The following BRINP2 variants were observed in gnomAD, a reference collection of about 807,000 sequenced individuals.
The protein encoded by BRINP2 is BMP/retinoic acid-inducible neural-specific protein 2.
A neutral mutation model predicts 69.2 loss-of-function variants in BRINP2; 21 were observed. The observed-to-expected ratio is 0.30, with a 90% CI of 0.22 to 0.44. BRINP2 has a LOEUF of 0.44. BRINP2 is among the 20% of genes least tolerant of loss of function. The pLI, the probability that BRINP2 is intolerant of heterozygous loss-of-function variation, is 1.00. For missense variants in BRINP2, 877 were observed against 986.0 expected, an observed-to-expected ratio of 0.89 and a Z score of 1.48; for synonymous variants, 380 against 394.1, an observed-to-expected ratio of 0.96 and a Z score of 0.42.
intron 1 of BRINP2, among the ~76,000 whole-genome samples, chr1:177,172,335 A>G (rs1185303777): frequency 2.6e-5 from 4 of 152,222 alleles, no homozygotes; most frequent in African/African-American, 4.8e-5. Flanking sequence ...CACTGGAGAC[A>G]CTAGGGAAGA....
chr1:177,198,571 G>T (rs527770747), intron 1 of BRINP2, among the ~76,000 whole-genome samples: 1 of 152,270 alleles, frequency 6.6e-6, no homozygotes, highest in Admixed American at 6.5e-5. Context: ...AATATGGCAG[G>T]CTGGGGTCCA....
intron 3 of BRINP2, chr1:177,256,572 T>C: frequency 1.0e-6 from 1 of 985,410 alleles, no homozygotes; most frequent in Non-Finnish European, 1.2e-6. Flanking sequence ...AATCATCCTC[T>C]TGTGGGGCGG....
At chr1:177,243,113 C>T (rs1255655150) in intron 2 of BRINP2, among the ~76,000 whole-genome samples, 2 of 150,658 alleles carry the variant, frequency 1.3e-5, no homozygotes, top group Non-Finnish European at 2.9e-5. Flanking sequence ...GAGGGGTCGC[C>T]CATTAGTAAA....
intron 1 of BRINP2, among the ~76,000 whole-genome samples, chr1:177,203,878 A>G (rs1648992861): frequency 6.6e-6 from 1 of 152,190 alleles, no homozygotes; most frequent in African/African-American, 2.4e-5. Flanking sequence ...GTGATGTTTC[A>G]AGAGGCTATA....
At chr1:177,182,289 C>T (rs1353845593) in intron 1 of BRINP2, among the ~76,000 whole-genome samples, 3 of 151,970 alleles carry the variant, frequency 2.0e-5, no homozygotes, top group Non-Finnish European at 4.4e-5. Context: ...TCTCAGTAAC[C>T]TGATCAACTA....
intron 1 of BRINP2, among the ~76,000 whole-genome samples, chr1:177,222,623 C>G (rs1223000147): frequency 2.0e-5 from 3 of 151,928 alleles, no homozygotes; most frequent in Non-Finnish European, 2.9e-5. Flanking sequence ...GGCCAGACAC[C>G]TTTTAAAGGC....
chr1:177,252,619 GTACATTA>G (rs1392813455), intron 2 of BRINP2, among the ~76,000 whole-genome samples: 1 of 151,956 alleles, frequency 6.6e-6, no homozygotes, highest in Non-Finnish European at 1.5e-5. Context: ...AAAATCTACA[GTACATTA>G]TTATTAGCCA....
chr1:177,276,502 G>A, intron 6 of BRINP2, 68 bp downstream of exon 6: 1 of 1,430,882 alleles, frequency 7.0e-7, no homozygotes, highest in Non-Finnish European at 9.8e-7. Flanking sequence ...AACATGGGGA[G>A]AACAAAACTT....
At chr1:177,190,036 C>T (rs138608629) in intron 1 of BRINP2, among the ~76,000 whole-genome samples, 1 of 152,134 alleles carries the variant, frequency 6.6e-6, no homozygotes, top group Admixed American at 6.5e-5. Context: ...GTCCTCCTTT[C>T]TGGAACTCAG....
At position 177,256,717 on chromosome 1, in the gene BRINP2, C is replaced by T. The variant is rs1008809171; in HGVS notation, c.461-459C>T. On this transcript the variant is annotated intron_variant, in intron 3 of 7. Coordinates refer to ENST00000361539, the MANE Select transcript of BRINP2 (RefSeq NM_021165.4). ...AACATTTAGCTCACTGTCCAATCGACTAAAACAAGCTCTCCCAGGGCTCGG... is the reference window on the plus strand; with the variant it reads ...AACATTTAGCTCACTGTCCAATCGATTAAAACAAGCTCTCCCAGGGCTCGG... 35 of 1,078,306 alleles carry T rather than the reference C, an allele frequency of 3.2e-5. No individual in the cohort carries two copies. The African/African-American group carries it at 5.7e-4, about 18-fold the overall frequency. The allele number at this position is 1,078,306 out of a possible 1,614,324, so 66.8% of individuals were successfully genotyped here.
intron 4 of BRINP2, among the ~76,000 whole-genome samples, chr1:177,270,567 T>C (rs1017392962): frequency 1.3e-5 from 2 of 151,928 alleles, no homozygotes; most frequent in African/African-American, 4.8e-5. Context: ...AAAGGAAAGC[T>C]CCTATTGTGG....
intron 1 of BRINP2, among the ~76,000 whole-genome samples, chr1:177,218,833 C>A (rs1649446804): frequency 6.6e-6 from 1 of 152,178 alleles, no homozygotes; most frequent in South Asian, 2.1e-4. Context: ...CTTATTCCCA[C>A]ATTTTCACCA....
At chr1:177,252,214 C>A (rs535042173) in intron 2 of BRINP2, among the ~76,000 whole-genome samples, 29 of 152,238 alleles carry the variant, frequency 1.9e-4, no homozygotes, top group Non-Finnish European at 4.0e-4. Flanking sequence ...AAATAACTGA[C>A]AATATATTAT....
intron 4 of BRINP2, among the ~76,000 whole-genome samples, chr1:177,262,509 T>TG (rs1320820914): frequency 4.6e-5 from 5 of 107,554 alleles, no homozygotes; most frequent in Admixed American, 1.2e-4. Flanking sequence ...AGCCTCTGTC[T>TG]GGAAAAAAAA....
intron 4 of BRINP2, among the ~76,000 whole-genome samples, chr1:177,264,948 A>C (rs925088013): frequency 3.3e-5 from 5 of 152,204 alleles, no homozygotes; most frequent in African/African-American, 7.2e-5. Context: ...GAGTTAGAAA[A>C]AACTACTTTA....
chr1:177,215,275 C>T (rs1649342501), intron 1 of BRINP2, among the ~76,000 whole-genome samples: 1 of 152,092 alleles, frequency 6.6e-6, no homozygotes, highest in Non-Finnish European at 1.5e-5. Flanking sequence ...ATTGTTTTTT[C>T]TATATCTATG....
At chr1:177,176,640 G>A (rs2102285693) in intron 1 of BRINP2, among the ~76,000 whole-genome samples, 1 of 151,832 alleles carries the variant, frequency 6.6e-6, no homozygotes, top group African/African-American at 2.4e-5. Context: ...AGGAGTTGGT[G>A]ACATAAAAAG....
rs1359587479 is a variant in BRINP2, at chr1:177,281,307, G to A, written c.2131G>A (p.Gly711Ser). The change falls in exon 8 of 8, where the codon GGT (glycine) becomes AGT (serine). Residue 711 changes from glycine (G) to serine (S), a missense_variant. Gly to Ser is a moderately conservative substitution (Grantham distance 56). Around this residue, in one of 3 missense-constraint regions of BRINP2, gnomAD observed 225 missense variants for 218.7 expected, o/e 1.03. Transcript: ENST00000361539. ...ILQLDYPYTQ[G>S]SQDSALLQLI... ...CCAGTTGGACTACCCATATACTCAA[G>A]GTTCCCAGGACTCTGCACTCTTGCA... 2 of 1,614,026 alleles carry A rather than the reference G, an allele frequency of 1.2e-6. No individual in the cohort carries two copies. Among genetic ancestry groups the A allele is most frequent in the African/African-American group, 2.7e-5 (2 of 74,912 alleles).
At chr1:177,254,740 A>G (rs1650698899) in intron 2 of BRINP2, among the ~76,000 whole-genome samples, 1 of 152,310 alleles carries the variant, frequency 6.6e-6, no homozygotes, top group East Asian at 1.9e-4. Flanking sequence ...AACAACTGAC[A>G]GTATTTGTTG....
Sources: allele counts gnomAD v4.1 joint callset (sites outside exome capture counted in the v4.1 genomes callset), GRCh38; gene constraint gnomAD v4.1.1; regional missense constraint gnomAD v4.1.1; transcripts MANE v1.5; gene names NCBI Gene and HGNC (gene_info 2026-07-23, HGNC 2026-07-21).